ZSCAN30: variants seen among roughly 807,000 people sequenced by gnomAD.
ZSCAN30 encodes the protein zinc finger and SCAN domain containing 30, also known as zinc finger and SCAN domain-containing protein 30.
ZSCAN30 carries 37 observed loss-of-function variants against 44.3 expected under a neutral mutation model. The ratio of observed to expected loss-of-function variants is 0.84; its 90% CI spans 0.64 to 1.10. The LOEUF (loss-of-function observed/expected upper bound fraction) is 1.10. ZSCAN30 is among the 50% of genes least tolerant of loss of function. The pLI, the probability that ZSCAN30 is intolerant of heterozygous loss-of-function variation, is 0.00. For synonymous variants in ZSCAN30, 181 were observed against 204.6 expected, an observed-to-expected ratio of 0.88 and a Z score of 0.98; for missense variants, 549 against 582.6, an observed-to-expected ratio of 0.94 and a Z score of 0.59.
rs992847202 is a variant in ZSCAN30, at chr18:35,290,221, T to A, written c.-241A>T. Reference sequence around the variant, plus strand: ...ACTGCTAGGGACAGCTCGCGGCGGTTCGGGGGTTAATTCTCGGCAGCCCTC... The same window carrying A: ...ACTGCTAGGGACAGCTCGCGGCGGTACGGGGGTTAATTCTCGGCAGCCCTC... On this transcript the variant is annotated 5_prime_UTR_variant, in exon 1 of 4. Transcript: ENST00000333206. The A allele has an allele frequency of 1.3e-4, 20 of 152,316 alleles. No individual in the cohort carries two copies. The highest frequency in any genetic ancestry group is 4.8e-4 in the African/African-American group (20 of 41,414). The allele number at this position is 152,316 out of a possible 1,614,324, so 9.4% of individuals were successfully genotyped here. A position where few individuals can be genotyped will look rare whatever the true frequency, so the allele number is the denominator to read the frequency against.
chr18:35,289,041 C>G (rs1011335980), intron 1 of ZSCAN30, among the ~76,000 whole-genome samples: 7 of 152,162 alleles, frequency 4.6e-5, no homozygotes, highest in Non-Finnish European at 8.8e-5. Flanking sequence ...AATCTCGGCT[C>G]ACTGCAACCT....
intron 1 of ZSCAN30, among the ~76,000 whole-genome samples, chr18:35,287,650 T>C (rs1054666741): frequency 6.6e-6 from 1 of 150,810 alleles, no homozygotes; most frequent in African/African-American, 2.4e-5. Flanking sequence ...TAATTCCAGA[T>C]GGATCAGAGA....
chr18:35,253,723 C>T lies in ZSCAN30; in HGVS notation c.1212G>A (p.Lys404=). 1 of 1,614,164 alleles carries T rather than the reference C, an allele frequency of 6.2e-7. No individual in the cohort carries two copies. The highest frequency in any genetic ancestry group is 1.1e-5 in the South Asian group (1 of 91,090). Residue 404 remains lysine (K), a synonymous_variant, in exon 4 of 4, where the codon AAG becomes AAA. Coordinates refer to ENST00000333206, the MANE Select transcript of ZSCAN30 (RefSeq NM_001112734.4). ...AGCTTTTATCTCCAGTGTGAATTTT[C>T]TTATGCTGAATAAGGGCTGAGCTCC... ...FSRSSALIQH[K]KIHTGDKSYE... is the part of the protein sequence containing the mutation.
chr18:35,259,635 A>C (rs888687713), intron 3 of ZSCAN30: 16 of 154,282 alleles, frequency 1.0e-4, no homozygotes, highest in African/African-American at 3.6e-4. Flanking sequence ...TCTCTAAAAA[A>C]ATGCAGTCAT....
Position 35,264,191 on chromosome 18 carries a change from A to G in ZSCAN30, c.162T>C (p.Phe54=), listed in dbSNP as rs1023476277. 6.8e-6 allele frequency: 11 copies of G among 1,614,082 alleles called. No individual in the cohort carries two copies. In the African/African-American group the frequency reaches 1.2e-4, roughly 18 times the overall value. ...GAGGGCCAGTGGAGTCAGAGTAACT[A>G]AACTGCCTGAACTTCTGCCGGAATA... ...QEVFRQKFRQ[F]SYSDSTGPRE... Residue 54 remains phenylalanine, a synonymous_variant, in exon 2 of 4, where the codon TTT becomes TTC. Transcript: ENST00000333206.
chr18:35,256,062 G>GT (rs1430296448), intron 3 of ZSCAN30, among the ~76,000 whole-genome samples: 1 of 152,106 alleles, frequency 6.6e-6, no homozygotes, highest in African/African-American at 2.4e-5. Context: ...GAAAAGCAAT[G>GT]TAACTTATGG....
intron 1 of ZSCAN30, among the ~76,000 whole-genome samples, chr18:35,277,546 CT>C (rs1453151347): frequency 6.6e-6 from 1 of 152,110 alleles, no homozygotes; most frequent in African/African-American, 2.4e-5. Flanking sequence ...GGCTTTTCCC[CT>C]TTTGCTTGGC....
intron 1 of ZSCAN30, among the ~76,000 whole-genome samples, chr18:35,288,898 T>C (rs1270507292): frequency 6.6e-6 from 1 of 152,212 alleles, no homozygotes; most frequent in Non-Finnish European, 1.5e-5. Context: ...TAACAAGCCT[T>C]ATCAAATTAT....
intron 3 of ZSCAN30, 154 bp from the exon 4 acceptor site, chr18:35,254,535 CT>C (rs2043724633): frequency 7.0e-7 from 1 of 1,436,184 alleles, no homozygotes; most frequent in Non-Finnish European, 9.4e-7. Context: ...GAGAAGTGGC[CT>C]GGGGTAGCCA....
chr18:35,253,354 G>T lies in ZSCAN30; in HGVS notation c.*96C>A. On this transcript the variant is annotated 3_prime_UTR_variant, in exon 4 of 4. Transcript: ENST00000333206. ...AGTACCGAACTGGGAGGGAAGGACA[G>T]AAGTTCTGCTCTCAGGAAACTTTTC... The T allele has an allele frequency of 1.0e-6, 1 of 976,924 alleles. No individual in the cohort carries two copies. The highest frequency in any genetic ancestry group is 1.9e-5 in the South Asian group (1 of 53,058). The allele number at this position is 976,924 out of a possible 1,614,324, so 60.5% of individuals were successfully genotyped here. A position where few individuals can be genotyped will look rare whatever the true frequency, so the allele number is the denominator to read the frequency against.
intron 2 of ZSCAN30, 77 bp from the exon 3 acceptor site, chr18:35,263,734 C>T: frequency 6.5e-7 from 1 of 1,541,152 alleles, no homozygotes; most frequent in Non-Finnish European, 8.9e-7. Flanking sequence ...AGGGCAGGAA[C>T]AGAAGAATCA....
intron 1 of ZSCAN30, among the ~76,000 whole-genome samples, chr18:35,273,288 C>G (rs577453911): frequency 6.6e-6 from 1 of 152,300 alleles, no homozygotes; most frequent in East Asian, 1.9e-4. Flanking sequence ...TAAGTGGGAT[C>G]GTACAATATT....
intron 3 of ZSCAN30, chr18:35,263,165 C>A: frequency 7.7e-6 from 3 of 387,682 alleles, no homozygotes; most frequent in Admixed American, 3.4e-5. Context: ...CACTTTAACC[C>A]AGGGGTTCAA....
intron 3 of ZSCAN30, chr18:35,256,921 G>A (rs8091811): frequency 0.17 from 26,135 of 152,502 alleles, 2,403 homozygotes; most frequent in African/African-American, 0.2. Flanking sequence ...GTACAGGTGC[G>A]CATCATTGCA....
Position 35,253,563 on chromosome 18 carries a change from G to A in ZSCAN30, c.1372C>T (p.Gln458Ter). 1 of 1,612,234 alleles carries A rather than the reference G, an allele frequency of 6.2e-7. No individual in the cohort carries two copies. The highest frequency in any genetic ancestry group is 1.1e-5 in the South Asian group (1 of 90,910). Residue 458 changes from glutamine (Q) to a stop codon, truncating the protein, a stop_gained, in exon 4 of 4, where the codon CAG becomes TAG. Transcript: ENST00000333206. LOFTEE classifies it high-confidence loss of function. ...KSFNQSSALTQHQRIHTGEKP... is the reference protein window; with the variant it reads ...KSFNQSSALT The stretch of plus-strand genomic sequence containing the variant: ...TCTCCAGTGTGAATTCTCTGGTGCT[G>A]GGTGAGGGCTGAGCTCTGATTGAAG...
At chr18:35,267,321 C>T (rs1207329280) in intron 1 of ZSCAN30, among the ~76,000 whole-genome samples, 3 of 152,122 alleles carry the variant, frequency 2.0e-5, no homozygotes, top group Non-Finnish European at 4.4e-5. Flanking sequence ...AAATGGATGG[C>T]GGGACTGACC....
In ZSCAN30 at chr18:35,286,402, T is replaced by C. The variant is rs372194185; in HGVS notation, c.-104+3682A>G. Among the ~76,000 whole-genome samples, 6 of 152,248 alleles carry C rather than the reference T, an allele frequency of 3.9e-5. No individual in the cohort carries two copies. In the South Asian group the frequency reaches 1.0e-3, roughly 26 times the overall value. On this transcript the variant is annotated intron_variant, in intron 1 of 3. Transcript: ENST00000333206. ...GAAAACTATAGGCCAATATTCTTCATGAAAAATCCAACAATATATAAAAAG... is the reference window on the plus strand; with the variant it reads ...GAAAACTATAGGCCAATATTCTTCACGAAAAATCCAACAATATATAAAAAG...
At chr18:35,254,466 A>G (rs753671535) in intron 3 of ZSCAN30, 85 bp from the exon 4 acceptor site, 1 of 1,598,400 alleles carries the variant, frequency 6.3e-7, no homozygotes, top group South Asian at 1.1e-5. Context: ...ACTCAATGAA[A>G]TAGGTATTTA....
intron 1 of ZSCAN30, among the ~76,000 whole-genome samples, chr18:35,275,110 T>A (rs549867533): frequency 6.6e-6 from 1 of 151,538 alleles, no homozygotes; most frequent in Non-Finnish European, 1.5e-5. Context: ...TGTGCAGTTA[T>A]GAGGCAGAGA....
Sources: allele counts gnomAD v4.1 joint callset (sites outside exome capture counted in the v4.1 genomes callset), GRCh38; gene constraint gnomAD v4.1.1; transcripts MANE v1.5; gene names NCBI Gene and HGNC (gene_info 2026-07-23, HGNC 2026-07-21).